Variants in LRP1 observed in about 807,000 individuals in gnomAD.
The protein encoded by LRP1 is LDL receptor related protein 1.
A neutral mutation model predicts 541.5 loss-of-function variants in LRP1; 51 were observed. The ratio of observed to expected loss-of-function variants is 0.09; its 90% CI spans 0.08 to 0.12. The LOEUF is 0.12. Ranked by LOEUF, LRP1 falls within the 10% of genes least tolerant of loss-of-function variation. The pLI, the probability that LRP1 is intolerant of heterozygous loss-of-function variation, is 1.00. For synonymous variants in LRP1, 2,219 were observed against 2,470.8 expected, an observed-to-expected ratio of 0.90 and a Z score of 3.02; for missense variants, 3,878 against 6,376.2, an observed-to-expected ratio of 0.61 and a Z score of 13.34.
At chr12:57,134,538 G>A (rs1175704264) in intron 1 of LRP1, among the ~76,000 whole-genome samples, 12 of 151,838 alleles carry the variant, frequency 7.9e-5, no homozygotes, top group Non-Finnish European at 1.5e-4. Context: ...TGCGACCTCC[G>A]CCTCCTGCTA....
chr12:57,199,154 C>A, intron 60 of LRP1, 58 bp from the exon 61 acceptor site: 1 of 1,550,642 alleles, frequency 6.4e-7, no homozygotes, highest in Non-Finnish European at 8.8e-7. Context: ...GTGGAGTGGG[C>A]CGGCACCCTG....
Position 57,135,430 on chromosome 12 carries a change from A to T in LRP1, c.68-3029A>T, listed in dbSNP as rs2035137723. Reference sequence around the variant, plus strand: ...ATTATAAGGGTCCTACCCCGCTCCCAACTCAGCTCTCTCCCAGCTCTGAGT... The same window carrying T: ...ATTATAAGGGTCCTACCCCGCTCCCTACTCAGCTCTCTCCCAGCTCTGAGT... On this transcript the variant is annotated intron_variant, in intron 1 of 88. Coordinates refer to ENST00000243077, the MANE Select transcript of LRP1 (RefSeq NM_002332.3). Among the ~76,000 whole-genome samples, 4 of 152,326 alleles carry T rather than the reference A, an allele frequency of 2.6e-5. No individual in the cohort carries two copies. The South Asian group carries it at 8.3e-4, about 32-fold the overall frequency.
intron 41 of LRP1, among the ~76,000 whole-genome samples, chr12:57,186,606 T>C (rs1375865169): frequency 6.6e-6 from 1 of 152,232 alleles, no homozygotes; most frequent in Non-Finnish European, 1.5e-5. Context: ...TAGTCCAGCC[T>C]GCATGTCTGT....
chr12:57,204,183 G>A lies in LRP1; in HGVS notation c.10952-227G>A. On this transcript the variant is annotated intron_variant, in intron 70 of 88. Transcript: ENST00000243077. The surrounding 1 kb of genome is among the most constrained non-coding windows in gnomAD (Gnocchi z 5.3). ...TGCCCTGCCACATACCAGAGAAGGA[G>A]TGCCCTCTGAACTCCTCCAGACACC... The A allele has an allele frequency of 2.1e-6, 1 of 468,532 alleles. No homozygotes were observed. Among genetic ancestry groups the A allele is most frequent in the Non-Finnish European group, 3.8e-6 (1 of 265,886 alleles). 29.0% of individuals were successfully genotyped at this position (468,532 alleles called of 1,614,324 possible).
intron 67 of LRP1, 165 bp downstream of exon 67, chr12:57,202,070 A>T (rs2036669074): frequency 1.2e-6 from 1 of 859,210 alleles, no homozygotes; most frequent in East Asian, 2.6e-5. Context: ...GCCTGGCTGG[A>T]GCTCACTTCC....
In LRP1 at chr12:57,197,161, G is replaced by C. The variant is rs775692430; in HGVS notation, c.9072G>C (p.Val3024=). 5 of 1,613,958 alleles carry C rather than the reference G, an allele frequency of 3.1e-6. No homozygotes were observed. Among genetic ancestry groups the C allele is most frequent in the Non-Finnish European group, 2.5e-6 (3 of 1,180,024 alleles). The change falls in exon 56 of 89, where the codon GTG becomes GTC. Residue 3024 remains valine, a synonymous_variant. Coordinates refer to ENST00000243077, the MANE Select transcript of LRP1 (RefSeq NM_002332.3). This position sits in a 1 kb window ranked among gnomAD's most constrained non-coding sequence, Gnocchi z 4.5. ...GCGACCCCCACAGCTGCAAGGCTGT[G>C]ACTGGTGAGATGCGCGCTTGGAGGG... The part of the protein sequence containing the change: ...RGGDPHSCKA[V]TDEEPFLIFA...
In LRP1 at chr12:57,128,929, G is replaced by A; in HGVS notation, c.-36G>A. The A allele has an allele frequency of 6.5e-7, 1 of 1,528,218 alleles. No homozygotes were observed. The highest frequency in any genetic ancestry group is 8.9e-7 in the Non-Finnish European group (1 of 1,128,484). The allele number at this position is 1,528,218 out of a possible 1,614,324, so 94.7% of individuals were successfully genotyped here. Reference sequence around the variant, plus strand: ...GTGAAGGAGAGAAGTAGCAGGACCAGAGGGGAAGGGGCTGCTGCTTGCATC... The same window carrying A: ...GTGAAGGAGAGAAGTAGCAGGACCAAAGGGGAAGGGGCTGCTGCTTGCATC... On this transcript the variant is annotated 5_prime_UTR_variant, in exon 1 of 89. Transcript: ENST00000243077.
In LRP1 at chr12:57,177,898, G is replaced by A. The variant is rs995419476; in HGVS notation, c.4361+307G>A. On this transcript the variant is annotated intron_variant, in intron 26 of 88. Transcript: ENST00000243077. This position sits in a 1 kb window ranked among gnomAD's most constrained non-coding sequence, Gnocchi z 6.8. ...GGGGCTGTGTCTGCCCAGAGGGAGG[G>A]GAAACTTCTTTCTAATTGGTCTGCC... Among the ~76,000 whole-genome samples the A allele has an allele frequency of 2.0e-5, 3 of 151,984 alleles. No individual in the cohort carries two copies. The highest frequency in any genetic ancestry group is 4.8e-5 in the African/African-American group (2 of 41,360).
At chr12:57,202,348 T>C in intron 67 of LRP1, 73 bp from the exon 68 acceptor site, 3 of 1,213,676 alleles carry the variant, frequency 2.5e-6, no homozygotes, top group Non-Finnish European at 3.7e-6. Context: ...CAGGCCAGCC[T>C]GACCATGCCT....
Position 57,189,858 on chromosome 12 carries a change from A to G in LRP1, c.7032-947A>G, listed in dbSNP as rs1160782884. Among the ~76,000 whole-genome samples, 1 of 152,082 alleles carries G rather than the reference A, an allele frequency of 6.6e-6. No individual in the cohort carries two copies. The highest frequency in any genetic ancestry group is 1.9e-4 in the East Asian group (1 of 5,194). On this transcript the variant is annotated intron_variant, in intron 42 of 88. Transcript: ENST00000243077. This position sits in a 1 kb window ranked among gnomAD's most constrained non-coding sequence, Gnocchi z 4.4. The stretch of plus-strand genomic sequence containing the variant: ...GAGTCCCCTGCCCCGCCCTGGGCCT[A>G]GCTGAGTGACAAGCTCTGGGACCGA...
chr12:57,209,127 G>T lies in LRP1; in HGVS notation c.12190G>T (p.Ala4064Ser), dbSNP rs1401127073. The change falls in exon 79 of 89, where the codon GCC becomes TCC. Residue 4064 changes from alanine (A) to serine (S), a missense_variant. By Grantham distance (99) the Ala-to-Ser change is moderately conservative. Around this residue, in one of 13 missense-constraint regions of LRP1, gnomAD observed 871 missense variants for 1,212.4 expected, o/e 0.72. Transcript: ENST00000243077. ...YHNERLYWAD[A>S]KLSVIGSIRL... ...CAATGAGCGGCTGTACTGGGCAGACGCCAAGCTTTCAGTCATCGGCAGCAT... is the reference window on the plus strand; with the variant it reads ...CAATGAGCGGCTGTACTGGGCAGACTCCAAGCTTTCAGTCATCGGCAGCAT... The T allele has an allele frequency of 6.2e-7, 1 of 1,614,114 alleles. No individual in the cohort carries two copies. Among genetic ancestry groups the T allele is most frequent in the Non-Finnish European group, 8.5e-7 (1 of 1,179,990 alleles).
intron 12 of LRP1, 126 bp from the exon 13 acceptor site, chr12:57,160,767 T>A (rs2035713157): frequency 1.5e-6 from 1 of 658,622 alleles, no homozygotes; most frequent in African/African-American, 1.8e-5. Flanking sequence ...AAATGTGTGG[T>A]CCAGTGATGA....
At chr12:57,208,272 C>T (rs2036830517) in intron 77 of LRP1, 56 bp downstream of exon 77, 1 of 1,566,780 alleles carries the variant, frequency 6.4e-7, no homozygotes, top group South Asian at 1.1e-5. Context: ...GCCCCCGGGA[C>T]AGGGTTGGGG....
rs1312025718 is a variant in LRP1 at position 57,162,607 on chromosome 12, A to G, written c.2404+89A>G. 1 of 1,435,080 alleles carries G rather than the reference A, an allele frequency of 7.0e-7. No individual in the cohort carries two copies. Among genetic ancestry groups the G allele is most frequent in the Non-Finnish European group, 9.6e-7 (1 of 1,036,632 alleles). The allele number at this position is 1,435,080 out of a possible 1,614,324, so 88.9% of individuals were successfully genotyped here. On this transcript the variant is annotated intron_variant, in intron 14 of 88. Transcript: ENST00000243077. This position sits in a 1 kb window ranked among gnomAD's most constrained non-coding sequence, Gnocchi z 5.2. ...TTGAGACTTCCCTGGGAGTGAAGGC[A>G]CTTCCCAGGGATCCTAGGCTCTGAC...
chr12:57,190,685 C>T (rs563047718), intron 42 of LRP1, 120 bp from the exon 43 acceptor site: 1 of 794,326 alleles, frequency 1.3e-6, no homozygotes, highest in East Asian at 2.7e-5. Flanking sequence ...GCCTCTATGG[C>T]TCTGGGGTGG....
Position 57,197,774 on chromosome 12 carries a change from T to G in LRP1, c.9282+110T>G. ...CCAAATTGCTTCCTTCTCACTCCACTAGTCACTATATGACTGCTTGTTCTA... is the reference window on the plus strand; with the variant it reads ...CCAAATTGCTTCCTTCTCACTCCACGAGTCACTATATGACTGCTTGTTCTA... On this transcript the variant is annotated intron_variant, in intron 58 of 88. Coordinates refer to ENST00000243077, the MANE Select transcript of LRP1 (RefSeq NM_002332.3). The surrounding 1 kb of genome is among the most constrained non-coding windows in gnomAD (Gnocchi z 4.5). 7.9e-7 allele frequency: 1 copy of G among 1,260,362 alleles called. No homozygotes were observed. The highest frequency in any genetic ancestry group is 1.1e-6 in the Non-Finnish European group (1 of 903,280). 78.1% of individuals were successfully genotyped at this position (1,260,362 alleles called of 1,614,324 possible).
At position 57,177,334 on chromosome 12, in the gene LRP1, A is replaced by G. The variant is rs1356892713; in HGVS notation, c.4196+89A>G. The G allele has an allele frequency of 6.4e-7, 1 of 1,564,636 alleles. No homozygotes were observed. Among genetic ancestry groups the G allele is most frequent in the Admixed American group, 1.7e-5 (1 of 58,740 alleles). On this transcript the variant is annotated intron_variant, in intron 25 of 88. Transcript: ENST00000243077. This position sits in a 1 kb window ranked among gnomAD's most constrained non-coding sequence, Gnocchi z 6.8. Reference sequence around the variant, plus strand: ...CAGGGACACCTTACTCCTCAGTGCCATCTGCCTCCTCCCACCCTCTACCTA... The same window carrying G: ...CAGGGACACCTTACTCCTCAGTGCCGTCTGCCTCCTCCCACCCTCTACCTA...
chr12:57,149,104 C>T, intron 6 of LRP1: 1 of 514,272 alleles, frequency 1.9e-6, no homozygotes, highest in Non-Finnish European at 3.4e-6. Flanking sequence ...GGAAGGGGTG[C>T]TACCTCCCCA....
chr12:57,192,706 TG>T, intron 44 of LRP1, 138 bp from the exon 45 acceptor site: 1 of 1,208,026 alleles, frequency 8.3e-7, no homozygotes, highest in Non-Finnish European at 1.2e-6. Flanking sequence ...CCCTCCCCAC[TG>T]GCTGCAAGCC....
Sources: gnomAD v4.1 joint callset for allele counts (sites outside exome capture counted in the v4.1 genomes callset) on GRCh38, gnomAD v4.1.1 for gene constraint, gnomAD v4.1.1 regional missense constraint, Gnocchi (gnomAD v3.1) non-coding constraint, MANE v1.5 for transcripts, NCBI Gene and HGNC (gene_info 2026-07-23, HGNC 2026-07-21) for gene names.